CDK5RAP2: variants seen among roughly 807,000 people sequenced by gnomAD.
The protein encoded by CDK5RAP2 is CDK5 regulatory subunit associated protein 2.
A neutral mutation model predicts 232.9 loss-of-function variants in CDK5RAP2; 147 were observed. The ratio of observed to expected loss-of-function variants is 0.63; its 90% CI spans 0.55 to 0.72. CDK5RAP2 has a LOEUF of 0.72. Among genes scored for constraint, CDK5RAP2 ranks in the 30% least tolerant of loss-of-function variants. CDK5RAP2 has a pLI of 0.00. For synonymous variants in CDK5RAP2, 833 were observed against 833.7 expected (o/e 1.00, Z 0.01); for missense variants, 2,195 against 2,231.5 (o/e 0.98, Z 0.33).
At chr9:120,425,002 C>G (rs902607190) in intron 25 of CDK5RAP2, among the ~76,000 whole-genome samples, 5 of 152,118 alleles carry the variant, frequency 3.3e-5, no homozygotes, top group African/African-American at 1.2e-4. Context: ...TGGCCACATT[C>G]ACATTGTTCT....
At chr9:120,538,738 T>C (rs547511435) in intron 6 of CDK5RAP2, among the ~76,000 whole-genome samples, 24 of 152,318 alleles carry the variant, frequency 1.6e-4, no homozygotes, top group Non-Finnish European at 3.4e-4. Flanking sequence ...AAAATCCGCA[T>C]AGTTAAACCC....
intron 5 of CDK5RAP2, among the ~76,000 whole-genome samples, chr9:120,540,939 T>G (rs923355976): frequency 6.6e-6 from 1 of 152,190 alleles, no homozygotes; most frequent in Admixed American, 6.5e-5. Context: ...CTATTTCCAT[T>G]TCCTGATTAA....
rs1321411004 is a variant in CDK5RAP2 at position 120,447,989 on chromosome 9, C to T, written c.2931G>A (p.Glu977=). The change falls in exon 22 of 38, where the codon GAG becomes GAA. Residue 977 remains glutamate (E), a synonymous_variant. Coordinates refer to ENST00000349780, the MANE Select transcript of CDK5RAP2 (RefSeq NM_018249.6). ...GAAGTTGCTTATTACAAGTTTTAAACTCCTTCAGCTCCCCCTGCAGCTCCA... is the reference window on the plus strand; with the variant it reads ...GAAGTTGCTTATTACAAGTTTTAAATTCCTTCAGCTCCCCCTGCAGCTCCA... The part of the protein sequence containing the change: ...QILELQGELK[E]FKTCNKQLHQ... 2 of 1,614,170 alleles carry T rather than the reference C, an allele frequency of 1.2e-6. No homozygotes were observed. The highest frequency in any genetic ancestry group is 1.1e-5 in the South Asian group (1 of 91,082).
At chr9:120,577,054 TTAGAG>T (rs1316819367) in intron 1 of CDK5RAP2, among the ~76,000 whole-genome samples, 1 of 152,036 alleles carries the variant, frequency 6.6e-6, no homozygotes, top group African/African-American at 2.4e-5. Context: ...TACGCGACAC[TTAGAG>T]TAGTCAAAAT....
chr9:120,468,701 G>A (rs1014542618), intron 17 of CDK5RAP2, among the ~76,000 whole-genome samples: 5 of 152,200 alleles, frequency 3.3e-5, no homozygotes, highest in Admixed American at 6.5e-5. Flanking sequence ...AACAATGGCC[G>A]AAGTGCCTAA....
chr9:120,497,642 C>T (rs1270145294), intron 12 of CDK5RAP2, among the ~76,000 whole-genome samples: 1 of 152,136 alleles, frequency 6.6e-6, no homozygotes, highest in Non-Finnish European at 1.5e-5. Flanking sequence ...GACAGACTGA[C>T]ATTACGCACC....
intron 5 of CDK5RAP2, among the ~76,000 whole-genome samples, chr9:120,539,930 C>T (rs1231106965): frequency 6.6e-6 from 1 of 152,264 alleles, no homozygotes. Flanking sequence ...CAGTATGCAA[C>T]GAAGTCTATA....
intron 15 of CDK5RAP2, among the ~76,000 whole-genome samples, chr9:120,475,205 C>T (rs1488661178): frequency 2.0e-5 from 3 of 152,138 alleles, no homozygotes; most frequent in Non-Finnish European, 4.4e-5. Context: ...AAATTACTTA[C>T]CCAAGAGCTC....
In CDK5RAP2 at chr9:120,403,114, A is replaced by G. The variant is rs755851613; in HGVS notation, c.5042-43T>C. 3.7e-6 allele frequency: 6 copies of G among 1,605,330 alleles called. No homozygotes were observed. Among genetic ancestry groups the G allele is most frequent in the Non-Finnish European group, 4.3e-6 (5 of 1,172,540 alleles). On this transcript the variant is annotated intron_variant, in intron 33 of 37. Transcript: ENST00000349780. This position sits in a 1 kb window ranked among gnomAD's most constrained non-coding sequence, Gnocchi z 4.2. The stretch of plus-strand genomic sequence containing the variant: ...GGATGTAAAATCTGTTTCAGGTAAC[A>G]CTCTGCGTTCAAGACGCTTATGATG...
rs776059833 is a variant in CDK5RAP2 at position 120,528,783 on chromosome 9, C to T, written c.840G>A (p.Glu280=). The T allele has an allele frequency of 2.0e-5, 32 of 1,609,874 alleles. No individual in the cohort carries two copies. In the East Asian group the frequency reaches 6.2e-4, roughly 31 times the overall value. ...KERETEAAQM[E]HQKERNSFEE... Reference sequence around the variant, plus strand: ...CAAAGCTGTTTCTCTCCTTCTGATGCTCCATTTGTGCAGCCTAAGAAAAGG... The same window carrying T: ...CAAAGCTGTTTCTCTCCTTCTGATGTTCCATTTGTGCAGCCTAAGAAAAGG... The change falls in exon 9 of 38, where the codon GAG becomes GAA. Residue 280 remains glutamate, a synonymous_variant. Transcript: ENST00000349780.
At chr9:120,553,080 T>C (rs1041739785) in intron 3 of CDK5RAP2, among the ~76,000 whole-genome samples, 9 of 152,204 alleles carry the variant, frequency 5.9e-5, no homozygotes, top group African/African-American at 2.2e-4. Context: ...GAACCTACCA[T>C]GTAAACAAGC....
chr9:120,551,429 C>A (rs750016873), intron 3 of CDK5RAP2, among the ~76,000 whole-genome samples: 2 of 152,112 alleles, frequency 1.3e-5, no homozygotes, highest in Non-Finnish European at 2.9e-5. Flanking sequence ...AGGAAACTTG[C>A]GAACACCATC....
chr9:120,570,301 T>C (rs2042806098), intron 2 of CDK5RAP2, among the ~76,000 whole-genome samples: 1 of 152,146 alleles, frequency 6.6e-6, no homozygotes, highest in Non-Finnish European at 1.5e-5. Flanking sequence ...ATCTGACTTA[T>C]TCAGGTCTCC....
At chr9:120,428,495 T>C (rs1208264472) in intron 25 of CDK5RAP2, among the ~76,000 whole-genome samples, 3 of 152,160 alleles carry the variant, frequency 2.0e-5, no homozygotes, top group Non-Finnish European at 2.9e-5. Flanking sequence ...GCAAATAAAC[T>C]AGAAAATCTA....
intron 12 of CDK5RAP2, among the ~76,000 whole-genome samples, chr9:120,496,756 C>T (rs1466908780): frequency 1.5e-5 from 2 of 133,688 alleles, no homozygotes; most frequent in African/African-American, 6.5e-5. Context: ...GCCCCCCGCC[C>T]GGCCAGCCGC....
chr9:120,548,368 A>T (rs1470283799), intron 4 of CDK5RAP2, among the ~76,000 whole-genome samples: 1 of 152,222 alleles, frequency 6.6e-6, no homozygotes, highest in Non-Finnish European at 1.5e-5. Flanking sequence ...AATTTAATAC[A>T]TTTAAAAGAA....
At chr9:120,473,730 G>C (rs534001121) in intron 15 of CDK5RAP2, among the ~76,000 whole-genome samples, 214 of 152,314 alleles carry the variant, frequency 1.4e-3, no homozygotes, top group Non-Finnish European at 2.4e-3. Flanking sequence ...CACAGCACTC[G>C]CTTGGATGCA....
At chr9:120,558,608 C>T (rs1373227656) in intron 3 of CDK5RAP2, among the ~76,000 whole-genome samples, 1 of 152,110 alleles carries the variant, frequency 6.6e-6, no homozygotes, top group Non-Finnish European at 1.5e-5. Context: ...CCCCTGTTCA[C>T]AATATTCCAG....
rs373286799 is a variant in CDK5RAP2 at position 120,406,994 on chromosome 9, G to C, written c.4963+18C>G. 4 of 1,564,626 alleles carry C rather than the reference G, an allele frequency of 2.6e-6. No individual in the cohort carries two copies. In the African/African-American group the frequency reaches 5.4e-5, roughly 21 times the overall value. On this transcript the variant is annotated intron_variant, in intron 32 of 37. Transcript: ENST00000349780. ...CAGAGCTGCATTCTCAGCAAGTGGG[G>C]AGAGGCAGGGGCAGTACCGTGTTTG...
Sources: gnomAD v4.1 joint callset for allele counts (sites outside exome capture counted in the v4.1 genomes callset) on GRCh38, gnomAD v4.1.1 for gene constraint, Gnocchi (gnomAD v3.1) non-coding constraint, MANE v1.5 for transcripts, NCBI Gene and HGNC (gene_info 2026-07-23, HGNC 2026-07-21) for gene names.